The following ARMH3 variants were observed in gnomAD, a reference collection of about 807,000 sequenced individuals.
The protein encoded by ARMH3 is armadillo-like helical domain-containing protein 3.
Under a neutral mutation model 99.1 loss-of-function variants are expected in ARMH3, and 60 were observed. That is an observed-to-expected ratio of 0.61 (90% confidence interval 0.49 to 0.75). The LOEUF is 0.75. Ranked by LOEUF, ARMH3 falls within the 30% of genes least tolerant of loss-of-function variation. The pLI is 0.00. For missense variants in ARMH3, 679 were observed against 843.1 expected (o/e 0.81, Z 2.41); for synonymous variants, 285 against 292.8 (o/e 0.97, Z 0.27).
intron 18 of ARMH3, among the ~76,000 whole-genome samples, chr10:101,991,565 C>T (rs1846796591): frequency 6.6e-6 from 1 of 152,086 alleles, no homozygotes; most frequent in Non-Finnish European, 1.5e-5. Flanking sequence ...ATTTTCAGTA[C>T]AGACAGGTTT....
Position 102,033,322 on chromosome 10 carries a change from C to G in ARMH3, c.120G>C (p.Lys40Asn). 2.5e-6 allele frequency: 4 copies of G among 1,614,130 alleles called. No individual in the cohort carries two copies. Among genetic ancestry groups the G allele is most frequent in the Non-Finnish European group, 3.4e-6 (4 of 1,180,008 alleles). ...DEIFMTEDPS[K>N]CSPRFWEELF... Reference sequence around the variant, plus strand: ...GCTCCTCCCAAAACCGAGGACTGCACTTACTGGGGTCCTCTGTCTGAAACC... The same window carrying G: ...GCTCCTCCCAAAACCGAGGACTGCAGTTACTGGGGTCCTCTGTCTGAAACC... The change falls in exon 3 of 26, where the codon AAG becomes AAC. Residue 40 changes from lysine (K) to asparagine (N), a missense_variant. By Grantham distance (94) the Lys-to-Asn change is moderately conservative. Transcript: ENST00000370033.
At chr10:102,009,341 G>T in intron 13 of ARMH3, 33 bp downstream of exon 13, 1 of 1,578,532 alleles carries the variant, frequency 6.3e-7, no homozygotes. Context: ...AATTTAGAGA[G>T]AAAAAAACAC....
At chr10:101,944,056 T>TC (rs778082070) in intron 22 of ARMH3, among the ~76,000 whole-genome samples, 52 of 132,632 alleles carry the variant, frequency 3.9e-4, no homozygotes, top group Non-Finnish European at 7.1e-4. Flanking sequence ...AGAGCAAGAC[T>TC]CCATCTCAAA....
chr10:101,976,991 C>CT (rs919024449), intron 19 of ARMH3, among the ~76,000 whole-genome samples: 27 of 151,766 alleles, frequency 1.8e-4, no homozygotes, highest in East Asian at 3.9e-4. Flanking sequence ...CCTTTCTTTT[C>CT]TTTTTTTTGC....
intron 14 of ARMH3, among the ~76,000 whole-genome samples, chr10:102,003,913 G>C (rs2066425382): frequency 6.6e-6 from 1 of 152,058 alleles, no homozygotes. Flanking sequence ...TCATGTTATG[G>C]GTTAATGACC....
chr10:101,932,792 C>G (rs1843775660), intron 23 of ARMH3, among the ~76,000 whole-genome samples: 1 of 152,130 alleles, frequency 6.6e-6, no homozygotes, highest in Non-Finnish European at 1.5e-5. Context: ...TTAATGGGTA[C>G]AGAGTTTCAG....
chr10:101,874,330 G>A (rs1034104110), intron 24 of ARMH3, among the ~76,000 whole-genome samples: 1 of 152,084 alleles, frequency 6.6e-6, no homozygotes, highest in Non-Finnish European at 1.5e-5. Context: ...GTATGGCCAT[G>A]GGCAGTAAGC....
intron 20 of ARMH3, among the ~76,000 whole-genome samples, chr10:101,958,191 C>T (rs1390082798): frequency 6.6e-6 from 1 of 152,198 alleles, no homozygotes; most frequent in East Asian, 1.9e-4. Flanking sequence ...TCCATTCTAA[C>T]TGGTCACCAG....
chr10:101,896,043 T>C (rs2067824548), intron 23 of ARMH3, among the ~76,000 whole-genome samples: 1 of 151,926 alleles, frequency 6.6e-6, no homozygotes, highest in Non-Finnish European at 1.5e-5. Flanking sequence ...CTGGGCAACA[T>C]GGGGAGACCC....
In ARMH3 at chr10:102,009,368, A is replaced by T. The variant is rs746490642; in HGVS notation, c.954+6T>A. ...AAAAAACACTGGGATTTTTAATGTG[A>T]CCAACCTGAGCTAATACTGTGATGA... On this transcript the variant is annotated splice_donor_region_variant and intron_variant, in intron 13 of 25. Transcript: ENST00000370033. The T allele has an allele frequency of 6.8e-6, 11 of 1,611,166 alleles. No individual in the cohort carries two copies. The highest frequency in any genetic ancestry group is 9.3e-6 in the Non-Finnish European group (11 of 1,177,870).
chr10:101,933,799 G>A (rs911709924), intron 23 of ARMH3, among the ~76,000 whole-genome samples: 4 of 152,200 alleles, frequency 2.6e-5, no homozygotes, highest in Non-Finnish European at 2.9e-5. Context: ...AGAAGGTTAT[G>A]TTCATGTACT....
At chr10:101,969,121 T>A (rs1045385070) in intron 20 of ARMH3, among the ~76,000 whole-genome samples, 2 of 152,114 alleles carry the variant, frequency 1.3e-5, no homozygotes, top group African/African-American at 4.8e-5. Context: ...CCCCTTCCCA[T>A]CTACTCTAGT....
At chr10:101,962,084 T>C (rs1274355729) in intron 20 of ARMH3, among the ~76,000 whole-genome samples, 1 of 152,230 alleles carries the variant, frequency 6.6e-6, no homozygotes, top group Non-Finnish European at 1.5e-5. Context: ...CATGACCTTA[T>C]GGTATAGAAA....
Position 101,957,736 on chromosome 10 carries a change from T to TATA in ARMH3, c.1496-5_1496-4insTAT. 8.4e-6 allele frequency: 12 copies of TATA among 1,431,428 alleles called. No individual in the cohort carries two copies. Among genetic ancestry groups the TATA allele is most frequent in the Non-Finnish European group, 1.1e-5 (12 of 1,079,646 alleles). The allele number at this position is 1,431,428 out of a possible 1,614,324, so 88.7% of individuals were successfully genotyped here. A position where few individuals can be genotyped will look rare whatever the true frequency, so the allele number is the denominator to read the frequency against. On this transcript the variant is annotated splice_region_variant and splice_polypyrimidine_tract_variant and intron_variant, in intron 20 of 25. Coordinates refer to ENST00000370033, the MANE Select transcript of ARMH3 (RefSeq NM_024541.3). ...AACTTCAGCAAATTTATCAAGGCTT[T>TATA]AAAAAAAAAAAAAAAGACATCAACA...
intron 2 of ARMH3, among the ~76,000 whole-genome samples, chr10:102,035,100 G>A (rs1487340808): frequency 6.6e-6 from 1 of 152,128 alleles, no homozygotes. Flanking sequence ...GCTGGGCACA[G>A]TGGCTCACAC....
chr10:101,909,173 G>A (rs1842766815), intron 23 of ARMH3, among the ~76,000 whole-genome samples: 1 of 151,620 alleles, frequency 6.6e-6, no homozygotes, highest in South Asian at 2.1e-4. Context: ...TTGGGAGATC[G>A]AGGCGGGCAG....
chr10:101,933,781 T>C (rs1418336776), intron 23 of ARMH3, among the ~76,000 whole-genome samples: 1 of 152,198 alleles, frequency 6.6e-6, no homozygotes, highest in African/African-American at 2.4e-5. Context: ...AGCAGACAAC[T>C]GCAGAATAGA....
At chr10:101,960,906 A>G (rs544204974) in intron 20 of ARMH3, among the ~76,000 whole-genome samples, 24 of 151,948 alleles carry the variant, frequency 1.6e-4, no homozygotes, top group African/African-American at 3.1e-4. Flanking sequence ...AAAAAAAAAA[A>G]AAGAAGATTA....
intron 12 of ARMH3, 149 bp from the exon 13 acceptor site, chr10:102,009,598 G>GT (rs2066584347): frequency 1.4e-6 from 1 of 730,642 alleles, no homozygotes; most frequent in South Asian, 1.7e-5. Context: ...CCATTTGGGC[G>GT]TATGCAAAAG....
Sources: allele counts gnomAD v4.1 joint callset (sites outside exome capture counted in the v4.1 genomes callset), GRCh38; gene constraint gnomAD v4.1.1; transcripts MANE v1.5; gene names NCBI Gene and HGNC (gene_info 2026-07-23, HGNC 2026-07-21).